Variants in ADARB2 observed in about 807,000 individuals in gnomAD.
ADARB2 encodes the protein adenosine deaminase RNA specific B2 (inactive).
In ADARB2, 25 loss-of-function variants were observed where a neutral mutation model predicts 62.2. That is an observed-to-expected ratio of 0.40 (90% CI 0.29 to 0.56). The LOEUF is 0.56. ADARB2 is among the 20% of genes least tolerant of loss of function. The probability of loss-of-function intolerance (pLI) is 0.43; values close to 1 mark genes in which losing one functional copy is unlikely to be tolerated. For synonymous variants in ADARB2, 572 were observed against 500.8 expected (o/e 1.14, Z -1.90); for missense variants, 1,071 against 1,077.4 (o/e 0.99, Z 0.08).
At chr10:1,692,964 C>T (rs1834692281) in intron 1 of ADARB2, among the ~76,000 whole-genome samples, 1 of 152,270 alleles carries the variant, frequency 6.6e-6, no homozygotes, top group East Asian at 1.9e-4. Flanking sequence ...CTCATGCAGC[C>T]TCTAACCTAT....
At chr10:1,725,226 A>G (rs1465207058) in intron 1 of ADARB2, among the ~76,000 whole-genome samples, 1 of 152,142 alleles carries the variant, frequency 6.6e-6, no homozygotes, top group African/African-American at 2.4e-5. Context: ...TTTTTAGTGA[A>G]TATATTTTGC....
At chr10:1,397,984 C>G (rs1362035154) in intron 1 of ADARB2, among the ~76,000 whole-genome samples, 60 of 109,744 alleles carry the variant, frequency 5.5e-4, no homozygotes, top group Non-Finnish European at 8.1e-4. Context: ...CTCCCGAGTG[C>G]AGGCTTCCTG....
intron 1 of ADARB2, among the ~76,000 whole-genome samples, chr10:1,702,777 A>C (rs11250748): frequency 0.11 from 17,193 of 152,278 alleles, 1,121 homozygotes; most frequent in Non-Finnish European, 0.15. Flanking sequence ...AGTTCAGACA[A>C]GATCTCAGAC....
intron 3 of ADARB2, among the ~76,000 whole-genome samples, chr10:1,355,944 C>T (rs1832191095): frequency 1.3e-5 from 2 of 151,948 alleles, no homozygotes; most frequent in Non-Finnish European, 2.9e-5. Flanking sequence ...ACATTGTATA[C>T]ATGTATAGTG....
At chr10:1,413,786 G>T (rs1026712256) in intron 1 of ADARB2, among the ~76,000 whole-genome samples, 1 of 152,128 alleles carries the variant, frequency 6.6e-6, no homozygotes, top group East Asian at 1.9e-4. Context: ...TTAATTTTTT[G>T]GTCAAAACCC....
chr10:1,405,904 C>G (rs535953640), intron 1 of ADARB2, among the ~76,000 whole-genome samples: 1 of 151,876 alleles, frequency 6.6e-6, no homozygotes, highest in African/African-American at 2.4e-5. Context: ...TTTATTAAAC[C>G]CTTCCCCTAG....
intron 1 of ADARB2, among the ~76,000 whole-genome samples, chr10:1,517,529 G>T (rs1007709499): frequency 1.1e-4 from 16 of 152,086 alleles, no homozygotes; most frequent in African/African-American, 3.9e-4. Flanking sequence ...TTCGTATATT[G>T]GAACTTAAGT....
chr10:1,421,948 G>A (rs539227778), intron 1 of ADARB2, among the ~76,000 whole-genome samples: 1 of 152,204 alleles, frequency 6.6e-6, no homozygotes, highest in African/African-American at 2.4e-5. Flanking sequence ...GTTATTTGAA[G>A]AGAATACAGA....
At chr10:1,572,125 A>T (rs1424905464) in intron 1 of ADARB2, among the ~76,000 whole-genome samples, 3 of 145,964 alleles carry the variant, frequency 2.1e-5, no homozygotes, top group Admixed American at 6.8e-5. Context: ...GTGAGTAGGC[A>T]GGTGAGTGTG....
At chr10:1,510,295 C>CTCAGCT (rs1409235319) in intron 1 of ADARB2, among the ~76,000 whole-genome samples, 1 of 152,048 alleles carries the variant, frequency 6.6e-6, no homozygotes, top group Non-Finnish European at 1.5e-5. Flanking sequence ...ATTCTCCTGT[C>CTCAGCT]TCAGCTTCAT....
At chr10:1,333,409 G>A (rs899238962) in intron 3 of ADARB2, among the ~76,000 whole-genome samples, 4 of 152,118 alleles carry the variant, frequency 2.6e-5, no homozygotes, top group African/African-American at 9.7e-5. Flanking sequence ...AGGCCTCACA[G>A]GGAGAGCCAG....
intron 1 of ADARB2, among the ~76,000 whole-genome samples, chr10:1,616,572 C>A (rs1170297184): frequency 7.2e-6 from 1 of 138,316 alleles, no homozygotes. Flanking sequence ...CACTCCGCAC[C>A]ACCCTGCTGT....
At chr10:1,287,476 G>C (rs1479819995) in intron 3 of ADARB2, among the ~76,000 whole-genome samples, 4 of 152,116 alleles carry the variant, frequency 2.6e-5, no homozygotes, top group Non-Finnish European at 5.9e-5. Context: ...CAGATCCCCA[G>C]AACCTGTCCC....
intron 1 of ADARB2, among the ~76,000 whole-genome samples, chr10:1,589,158 G>A (rs770780408): frequency 2.0e-5 from 3 of 152,166 alleles, no homozygotes; most frequent in Non-Finnish European, 2.9e-5. Context: ...CTTTCACATC[G>A]GAAAGACCCT....
chr10:1,358,312 A>G (rs1351837235), intron 3 of ADARB2, among the ~76,000 whole-genome samples: 2 of 152,230 alleles, frequency 1.3e-5, no homozygotes, highest in Non-Finnish European at 2.9e-5. Flanking sequence ...GATGTCGGAT[A>G]GGAGAGAAAC....
intron 1 of ADARB2, chr10:1,556,957 T>G (rs1832713713): frequency 2.5e-6 from 1 of 404,226 alleles, no homozygotes; most frequent in Non-Finnish European, 5.2e-6. Context: ...AATAACTTGG[T>G]CTTTAATCCA....
intron 1 of ADARB2, among the ~76,000 whole-genome samples, chr10:1,409,669 CCACGGTCA>C (rs1564282257): frequency 1.1e-4 from 12 of 113,588 alleles, no homozygotes; most frequent in East Asian, 7.7e-4. Context: ...CGAGGCCTGG[CCACGGTCA>C]TGGGGAAGGA....
At chr10:1,271,218 G>C in intron 3 of ADARB2, 149 bp from the exon 4 acceptor site, 4 of 639,954 alleles carry the variant, frequency 6.3e-6, no homozygotes, top group Non-Finnish European at 1.1e-5. Flanking sequence ...TTGTCACCAC[G>C]TGACCACACA....
intron 1 of ADARB2, among the ~76,000 whole-genome samples, chr10:1,629,566 C>G (rs1833817618): frequency 7.0e-6 from 1 of 143,222 alleles, no homozygotes; most frequent in Non-Finnish European, 1.5e-5. Flanking sequence ...ACCCAACCCC[C>G]CCAGCACTCA....
Sources: gnomAD v4.1 joint callset for allele counts (sites outside exome capture counted in the v4.1 genomes callset) on GRCh38, gnomAD v4.1.1 for gene constraint, MANE v1.5 for transcripts, NCBI Gene and HGNC (gene_info 2026-07-23, HGNC 2026-07-21) for gene names.